Variants in PLCL1 observed in about 807,000 individuals in gnomAD.
PLCL1 encodes phospholipase C like 1 (inactive).
A neutral mutation model predicts 84.4 loss-of-function variants in PLCL1; 41 were observed. That is an observed-to-expected ratio of 0.49 (90% CI 0.38 to 0.63). The LOEUF is 0.63. Ranked by LOEUF, PLCL1 falls within the 30% of genes least tolerant of loss-of-function variation. PLCL1 has a pLI of 0.00. For synonymous variants in PLCL1, 490 were observed against 488.3 expected, an observed-to-expected ratio of 1.00 and a Z score of -0.05; for missense variants, 1,206 against 1,367.8, an observed-to-expected ratio of 0.88 and a Z score of 1.87.
At chr2:197,819,227 G>A (rs1470511194) in intron 1 of PLCL1, among the ~76,000 whole-genome samples, 1 of 152,080 alleles carries the variant, frequency 6.6e-6, no homozygotes, top group African/African-American at 2.4e-5. Context: ...TAGCAGGGAA[G>A]AGAAAGGGAG....
At chr2:197,899,095 T>C (rs1688213508) in intron 1 of PLCL1, among the ~76,000 whole-genome samples, 1 of 152,198 alleles carries the variant, frequency 6.6e-6, no homozygotes, top group Admixed American at 6.5e-5. Context: ...TTCCAGACAC[T>C]GGGAATAGTG....
rs1192229581 is a variant in PLCL1 at position 197,849,199 on chromosome 2, C to T, written c.240+43860C>T. On this transcript the variant is annotated intron_variant, in intron 1 of 5. Coordinates refer to ENST00000428675, the MANE Select transcript of PLCL1 (RefSeq NM_006226.4). The stretch of plus-strand genomic sequence containing the variant: ...ATAAATGCAAGGAACAGTAGGTTTG[C>T]AGTACCCTTGGTATTCTGTCATATG... Among the ~76,000 whole-genome samples the T allele has an allele frequency of 2.6e-5, 4 of 152,178 alleles. No homozygotes were observed. The South Asian group carries it at 8.3e-4, about 32-fold the overall frequency.
chr2:197,853,002 A>G (rs1478400163), intron 1 of PLCL1, among the ~76,000 whole-genome samples: 5 of 152,186 alleles, frequency 3.3e-5, no homozygotes, highest in Non-Finnish European at 7.4e-5. Context: ...TTCTATAGCC[A>G]TGAAACATAA....
intron 1 of PLCL1, chr2:198,071,155 A>G (rs1692455838): frequency 5.9e-6 from 1 of 168,326 alleles, no homozygotes; most frequent in Admixed American, 6.6e-5. Context: ...TTTAAGATTT[A>G]TAGGTCTGCA....
At chr2:198,099,470 G>T (rs962237915) in intron 3 of PLCL1, among the ~76,000 whole-genome samples, 1 of 151,946 alleles carries the variant, frequency 6.6e-6, no homozygotes, top group South Asian at 2.1e-4. Context: ...GCAGAAAATA[G>T]AATAAATTTA....
Position 198,139,597 on chromosome 2 carries a change from A to G in PLCL1, c.3106-7183A>G, listed in dbSNP as rs369718003. Among the ~76,000 whole-genome samples, 60 of 152,254 alleles carry G rather than the reference A, an allele frequency of 3.9e-4. No individual in the cohort carries two copies. The East Asian group carries it at 7.3e-3, about 19-fold the overall frequency. ...CTTTATATTACAGCTAGGGTATTAT[A>G]TTTATTTTAATAATACATGAATAGG... On this transcript the variant is annotated intron_variant, in intron 5 of 5. Transcript: ENST00000428675.
intron 1 of PLCL1, among the ~76,000 whole-genome samples, chr2:197,874,363 T>C (rs546632210): frequency 2.9e-4 from 44 of 152,116 alleles, no homozygotes; most frequent in Admixed American, 6.6e-4. Context: ...CTTTGGAATA[T>C]GTAGATAAAC....
chr2:197,963,643 A>G (rs550490155), intron 1 of PLCL1, among the ~76,000 whole-genome samples: 1 of 152,042 alleles, frequency 6.6e-6, no homozygotes, highest in South Asian at 2.1e-4. Flanking sequence ...TAGGGTATTA[A>G]TCAAGAAATC....
intron 1 of PLCL1, among the ~76,000 whole-genome samples, chr2:197,990,331 G>C (rs1345365582): frequency 6.6e-6 from 1 of 152,192 alleles, no homozygotes; most frequent in Non-Finnish European, 1.5e-5. Context: ...AAGCAATGCA[G>C]CAGATATTTT....
Position 198,147,984 on chromosome 2 carries a change from A to G in PLCL1, c.*1022A>G, listed in dbSNP as rs767608598. On this transcript the variant is annotated 3_prime_UTR_variant, in exon 6 of 6. Coordinates refer to ENST00000428675, the MANE Select transcript of PLCL1 (RefSeq NM_006226.4). ...TGATATAAATTCTGTGGGTCCGATA[A>G]TATCTTTGTGATAATTTAAGAGCTA... is the stretch of plus-strand genomic sequence containing the variant. The G allele has an allele frequency of 1.4e-4, 21 of 152,308 alleles. No homozygotes were observed. The highest frequency in any genetic ancestry group is 8.5e-4 in the Admixed American group (13 of 15,270). The allele number at this position is 152,308 out of a possible 1,614,324, so 9.4% of individuals were successfully genotyped here. A position where few individuals can be genotyped will look rare whatever the true frequency, so the allele number is the denominator to read the frequency against.
At chr2:198,063,577 A>T (rs1379001176) in intron 1 of PLCL1, among the ~76,000 whole-genome samples, 1 of 152,224 alleles carries the variant, frequency 6.6e-6, no homozygotes, top group Non-Finnish European at 1.5e-5. Context: ...TACTGAAAAG[A>T]GGAAAATAAT....
At chr2:198,128,561 T>A (rs1353976111) in intron 5 of PLCL1, among the ~76,000 whole-genome samples, 1 of 152,088 alleles carries the variant, frequency 6.6e-6, no homozygotes, top group Non-Finnish European at 1.5e-5. Flanking sequence ...CAGGATCAGA[T>A]GGGCCAATTT....
At chr2:197,836,507 T>C (rs1266797039) in intron 1 of PLCL1, among the ~76,000 whole-genome samples, 1 of 149,162 alleles carries the variant, frequency 6.7e-6, no homozygotes, top group Non-Finnish European at 1.5e-5. Context: ...TCACTGTCTG[T>C]CACTTCCGTC....
intron 1 of PLCL1, among the ~76,000 whole-genome samples, chr2:197,865,434 A>G (rs1687510697): frequency 6.6e-6 from 1 of 152,182 alleles, no homozygotes; most frequent in Admixed American, 6.5e-5. Flanking sequence ...GAAAATATTG[A>G]GAAGTTTTAG....
intron 5 of PLCL1, among the ~76,000 whole-genome samples, chr2:198,136,489 TCTAGTCTAGAGACTAGAGA>T (rs571361015): frequency 2.0e-5 from 3 of 151,946 alleles, no homozygotes; most frequent in Admixed American, 6.6e-5. Context: ...ATTCAAAGTC[TCTAGTCTAGAGACTAGAGA>T]CTAGTCTAGA....
At chr2:197,979,650 T>C (rs1690063388) in intron 1 of PLCL1, among the ~76,000 whole-genome samples, 1 of 152,186 alleles carries the variant, frequency 6.6e-6, no homozygotes, top group Non-Finnish European at 1.5e-5. Flanking sequence ...TCCCTTTAGA[T>C]TCAAATCCCA....
Position 197,870,896 on chromosome 2 carries a change from A to G in PLCL1, c.240+65557A>G, listed in dbSNP as rs537774258. 3.3e-5 allele frequency among the ~76,000 whole-genome samples: 5 copies of G among 152,074 alleles called. No homozygotes were observed. The East Asian group carries it at 7.7e-4, about 24-fold the overall frequency. On this transcript the variant is annotated intron_variant, in intron 1 of 5. Coordinates refer to ENST00000428675, the MANE Select transcript of PLCL1 (RefSeq NM_006226.4). ...GACCAGGCTGCCCCTATTCCTTATC[A>G]CACTCCCTTACCCTGATCATTCCAA...
Position 198,085,232 on chromosome 2 carries a change from A to C in PLCL1, c.1715A>C (p.Tyr572Ser). Residue 572 changes from tyrosine to serine, a missense_variant, in exon 2 of 6, where the codon TAC becomes TCC. By Grantham distance (144) the Tyr-to-Ser change is moderately radical (BLOSUM62 -2). Transcript: ENST00000428675. The surrounding 1 kb of genome is among the most constrained non-coding windows in gnomAD (Gnocchi z 5.3). ...AEMSRRMSVD[Y>S]NGEQKQIRLC... ...ATGTCTCGAAGGATGTCGGTAGATT[A>C]CAATGGTGAGCAGAAGCAAATCCGA... The C allele has an allele frequency of 6.2e-7, 1 of 1,614,026 alleles. No homozygotes were observed.
chr2:197,983,811 T>A (rs900402457), intron 1 of PLCL1, among the ~76,000 whole-genome samples: 13 of 152,124 alleles, frequency 8.5e-5, no homozygotes, highest in Non-Finnish European at 2.9e-5. Flanking sequence ...ACACACCAGG[T>A]CTATGCATCT....
Sources: gnomAD v4.1 joint callset for allele counts (sites outside exome capture counted in the v4.1 genomes callset) on GRCh38, gnomAD v4.1.1 for gene constraint, Gnocchi (gnomAD v3.1) non-coding constraint, MANE v1.5 for transcripts, NCBI Gene and HGNC (gene_info 2026-07-23, HGNC 2026-07-21) for gene names.